Variants in ZDHHC21 observed in about 807,000 individuals in gnomAD.
The protein encoded by ZDHHC21 is palmitoyltransferase ZDHHC21.
Under a neutral mutation model 34.6 loss-of-function variants are expected in ZDHHC21, and 15 were observed. The observed-to-expected ratio is 0.43, with a 90% CI of 0.29 to 0.67. The LOEUF (loss-of-function observed/expected upper bound fraction) is 0.67. Among genes scored for constraint, ZDHHC21 ranks in the 30% least tolerant of loss-of-function variants. ZDHHC21 has a pLI of 0.14. For missense variants in ZDHHC21, 344 were observed against 327.7 expected (o/e 1.05, Z -0.38); for synonymous variants, 142 against 101.8 (o/e 1.40, Z -2.38).
chr9:14,673,836 G>C (rs1587383643), intron 4 of ZDHHC21, among the ~76,000 whole-genome samples: 1 of 152,128 alleles, frequency 6.6e-6, no homozygotes, highest in Middle Eastern at 3.4e-3. Context: ...TCTCAGTAAT[G>C]TATACTGTCT....
At chr9:14,648,678 G>T (rs1013748462) in intron 7 of ZDHHC21, among the ~76,000 whole-genome samples, 1 of 152,014 alleles carries the variant, frequency 6.6e-6, no homozygotes, top group Admixed American at 6.6e-5. Flanking sequence ...TCTCTAATTG[G>T]AACGTAAGCT....
chr9:14,658,546 C>A (rs1832745582), intron 7 of ZDHHC21, among the ~76,000 whole-genome samples: 1 of 131,754 alleles, frequency 7.6e-6, no homozygotes, highest in Non-Finnish European at 1.5e-5. Flanking sequence ...TCTCGGCTCA[C>A]TGCAGGCTCC....
At chr9:14,681,661 T>C (rs530484846) in intron 2 of ZDHHC21, among the ~76,000 whole-genome samples, 2 of 152,112 alleles carry the variant, frequency 1.3e-5, no homozygotes, top group South Asian at 4.2e-4. Context: ...AGGTTGACTG[T>C]TAACCCCGTG....
rs778475986 is a variant in ZDHHC21 at position 14,678,963 on chromosome 9, G to A, written c.-46+1070C>T. On this transcript the variant is annotated intron_variant, in intron 3 of 9. Coordinates refer to ENST00000380916, the MANE Select transcript of ZDHHC21 (RefSeq NM_178566.6). ...ATTAGGAGTGGAGAGGGAACAGACC[G>A]TAACCGGTTTTTCTGGAAAGAGACA... Among the ~76,000 whole-genome samples the A allele has an allele frequency of 5.9e-5, 9 of 152,006 alleles. No homozygotes were observed. The South Asian group carries it at 1.2e-3, about 21-fold the overall frequency.
At chr9:14,649,805 A>G (rs530036189) in intron 7 of ZDHHC21, among the ~76,000 whole-genome samples, 15 of 152,206 alleles carry the variant, frequency 9.9e-5, no homozygotes, top group African/African-American at 3.6e-4. Flanking sequence ...TGTCTGCCTG[A>G]CCATATTTTA....
chr9:14,656,642 A>C (rs1248601144), intron 7 of ZDHHC21, among the ~76,000 whole-genome samples: 1 of 151,980 alleles, frequency 6.6e-6, no homozygotes, highest in Non-Finnish European at 1.5e-5. Flanking sequence ...CATAAGACTT[A>C]GGCTAAGAGA....
chr9:14,597,804 A>C, the ZDHHC21 span, among the ~76,000 whole-genome samples: 1 of 152,074 alleles, frequency 6.6e-6, no homozygotes, highest in Non-Finnish European at 1.5e-5. Context: ...CACCACCACC[A>C]GCACCTGTGC....
chr9:14,630,975 G>A (rs1009994824), intron 8 of ZDHHC21, among the ~76,000 whole-genome samples: 5 of 152,176 alleles, frequency 3.3e-5, no homozygotes, highest in African/African-American at 1.2e-4. Flanking sequence ...TAGGATTTTT[G>A]GAATGGCAAA....
At chr9:14,669,918 T>G (rs1410384977) in intron 5 of ZDHHC21, among the ~76,000 whole-genome samples, 1 of 146,418 alleles carries the variant, frequency 6.8e-6, no homozygotes, top group Non-Finnish European at 1.5e-5. Flanking sequence ...GACGAGTTAG[T>G]GGGTGCAGTG....
At chr9:14,687,533 T>C (rs1186844172) in intron 2 of ZDHHC21, among the ~76,000 whole-genome samples, 1 of 150,586 alleles carries the variant, frequency 6.6e-6, no homozygotes, top group Non-Finnish European at 1.5e-5. Flanking sequence ...TAGCCAGGCA[T>C]AGTGGCGCCC....
chr9:14,669,674 A>G (rs1362540493), intron 5 of ZDHHC21, among the ~76,000 whole-genome samples: 3 of 147,622 alleles, frequency 2.0e-5, no homozygotes, highest in African/African-American at 7.6e-5. Flanking sequence ...CTATGCAGCC[A>G]TAAAAAATGA....
intron 8 of ZDHHC21, among the ~76,000 whole-genome samples, chr9:14,633,230 G>C (rs1336440971): frequency 1.3e-5 from 2 of 152,172 alleles, no homozygotes; most frequent in East Asian, 3.9e-4. Flanking sequence ...GAAATCAACA[G>C]AGAAGTGAAT....
chr9:14,674,873 G>A (rs897869233), intron 3 of ZDHHC21, among the ~76,000 whole-genome samples: 3 of 151,970 alleles, frequency 2.0e-5, no homozygotes, highest in South Asian at 4.1e-4. Context: ...ATGAGAGAAC[G>A]AGGGGTTGGG....
chr9:14,688,949 T>G (rs933727131), intron 2 of ZDHHC21, among the ~76,000 whole-genome samples: 17 of 151,618 alleles, frequency 1.1e-4, no homozygotes, highest in African/African-American at 4.1e-4. Flanking sequence ...GAGGCTGAAG[T>G]GGGAGGATCG....
chr9:14,691,550 T>C (rs903324127), intron 1 of ZDHHC21, among the ~76,000 whole-genome samples: 1 of 152,246 alleles, frequency 6.6e-6, no homozygotes, highest in Non-Finnish European at 1.5e-5. Flanking sequence ...AACTTCCTGT[T>C]AAGCTGATTA....
At chr9:14,679,480 A>T (rs749929871) in intron 3 of ZDHHC21, among the ~76,000 whole-genome samples, 1 of 152,196 alleles carries the variant, frequency 6.6e-6, no homozygotes, top group Non-Finnish European at 1.5e-5. Flanking sequence ...TAATTTCTGC[A>T]CAAGTGCAGG....
Position 14,619,678 on chromosome 9 carries a change from G to C in ZDHHC21, c.626C>G (p.Thr209Arg), listed in dbSNP as rs757487812. ...YTQLIGIITD[T>R]TSIEKMSNCC... ...GTTTGACATCTTTTCAATAGATGTT[G>C]TATCCTATTAAAAATAAAAAATTAT... The change falls in exon 9 of 10, where the codon ACA becomes AGA. Residue 209 changes from threonine to arginine, a missense_variant. Thr to Arg is a moderately conservative substitution (Grantham distance 71, BLOSUM62 -1). Coordinates refer to ENST00000380916, the MANE Select transcript of ZDHHC21 (RefSeq NM_178566.6). The C allele has an allele frequency of 3.6e-6, 5 of 1,380,928 alleles. No individual in the cohort carries two copies. In the Admixed American group the frequency reaches 1.0e-4, roughly 29 times the overall value. The allele number at this position is 1,380,928 out of a possible 1,614,324, so 85.5% of individuals were successfully genotyped here. A position where few individuals can be genotyped will look rare whatever the true frequency, so the allele number is the denominator to read the frequency against.
chr9:14,598,176 C>T, the ZDHHC21 span, among the ~76,000 whole-genome samples: 3 of 152,092 alleles, frequency 2.0e-5, no homozygotes, highest in African/African-American at 7.2e-5. Flanking sequence ...CTGCAGTGCC[C>T]ATGTATGCTG....
At chr9:14,647,947 T>G (rs1830556564) in intron 7 of ZDHHC21, among the ~76,000 whole-genome samples, 1 of 152,160 alleles carries the variant, frequency 6.6e-6, no homozygotes, top group Admixed American at 6.6e-5. Context: ...CAGATTTTTG[T>G]ATCTAGCTGC....
Sources: gnomAD v4.1 joint callset for allele counts (sites outside exome capture counted in the v4.1 genomes callset) on GRCh38, gnomAD v4.1.1 for gene constraint, MANE v1.5 for transcripts, NCBI Gene and HGNC (gene_info 2026-07-23, HGNC 2026-07-21) for gene names.